The following RARB variants were observed in gnomAD, a reference collection of about 807,000 sequenced individuals.
RARB encodes the protein retinoic acid receptor beta, also known as HBV-activated protein.
RARB carries 17 observed loss-of-function variants against 51.9 expected under a neutral mutation model. That is an observed-to-expected ratio of 0.33 (90% CI 0.22 to 0.49). The LOEUF (loss-of-function observed/expected upper bound fraction) is 0.49. Among genes scored for constraint, RARB ranks in the 20% least tolerant of loss-of-function variants. The probability of loss-of-function intolerance (pLI) is 0.99; values close to 1 mark genes in which losing one functional copy is unlikely to be tolerated. For synonymous variants in RARB, 215 were observed against 195.4 expected, an observed-to-expected ratio of 1.10 and a Z score of -0.84; for missense variants, 369 against 550.8, an observed-to-expected ratio of 0.67 and a Z score of 3.30.
At chr3:24,991,699 A>G (rs531927001) in intron 2 of RARB, among the ~76,000 whole-genome samples, 67 of 152,038 alleles carry the variant, frequency 4.4e-4, no homozygotes, top group African/African-American at 1.6e-3. Flanking sequence ...TTAAAAATGC[A>G]TATAAGTAGC....
intron 2 of RARB, among the ~76,000 whole-genome samples, chr3:25,042,562 T>A (rs777144336): frequency 6.6e-6 from 1 of 152,216 alleles, no homozygotes; most frequent in Non-Finnish European, 1.5e-5. Context: ...AGAGATATGA[T>A]ATTAAATTAA....
At chr3:25,073,841 T>C (rs1383732037) in intron 3 of RARB, among the ~76,000 whole-genome samples, 3 of 152,196 alleles carry the variant, frequency 2.0e-5, no homozygotes, top group Non-Finnish European at 2.9e-5. Flanking sequence ...CTTTTTTTTT[T>C]TTATCAACTA....
chr3:25,002,900 G>A (rs1575113942), intron 2 of RARB, among the ~76,000 whole-genome samples: 1 of 151,984 alleles, frequency 6.6e-6, no homozygotes, highest in Non-Finnish European at 1.5e-5. Context: ...GCTTAGAAAA[G>A]CATCTGGTTC....
chr3:25,563,018 G>C (rs1314875381), intron 3 of RARB, among the ~76,000 whole-genome samples: 3 of 152,178 alleles, frequency 2.0e-5, no homozygotes, highest in African/African-American at 7.2e-5. Flanking sequence ...GCTGAGCTAA[G>C]CTGGAAGATC....
At chr3:24,952,897 G>C (rs1210263002) in intron 2 of RARB, among the ~76,000 whole-genome samples, 1 of 151,622 alleles carries the variant, frequency 6.6e-6, no homozygotes, top group African/African-American at 2.4e-5. Flanking sequence ...TGTTTGTTTT[G>C]TTTTGTTTTT....
At chr3:25,091,836 T>C (rs1699204758) in intron 3 of RARB, among the ~76,000 whole-genome samples, 1 of 152,170 alleles carries the variant, frequency 6.6e-6, no homozygotes, top group African/African-American at 2.4e-5. Context: ...GGTGCTGTGA[T>C]CATATTGGTT....
intron 5 of RARB, among the ~76,000 whole-genome samples, chr3:25,199,956 C>T (rs58509571): frequency 0.34 from 51,385 of 151,804 alleles, 8,874 homozygotes; most frequent in African/African-American, 0.39. Flanking sequence ...TTTGGGTATA[C>T]GCCCAGTAAT....
intron 2 of RARB, among the ~76,000 whole-genome samples, chr3:24,865,583 CCCTCTTCCA>C (rs1702832143): frequency 6.6e-6 from 1 of 152,130 alleles, no homozygotes; most frequent in South Asian, 2.1e-4. Flanking sequence ...TCTCACGTAG[CCCTCTTCCA>C]CCTCTCTGTC....
chr3:25,078,534 A>ATTTTTTTTTTTTTTTTTTT, intron 3 of RARB, among the ~76,000 whole-genome samples: 1 of 141,292 alleles, frequency 7.1e-6, no homozygotes, highest in Non-Finnish European at 1.5e-5. Context: ...CCAACTTTCT[A>ATTTTTTTTTTTTTTTTTTT]TTTTTTTTTT....
intron 5 of RARB, among the ~76,000 whole-genome samples, chr3:25,325,241 G>A (rs951696648): frequency 6.6e-6 from 1 of 152,124 alleles, no homozygotes; most frequent in South Asian, 2.1e-4. Flanking sequence ...GCTGGTGGGA[G>A]TGTCTCTCAG....
At chr3:25,378,121 T>C (rs558918435) in intron 5 of RARB, among the ~76,000 whole-genome samples, 6 of 152,302 alleles carry the variant, frequency 3.9e-5, no homozygotes, top group Admixed American at 1.3e-4. Flanking sequence ...ATCTTAACAA[T>C]GACAATTAAA....
chr3:25,523,283 A>C (rs1559449734), intron 3 of RARB, among the ~76,000 whole-genome samples: 1 of 152,170 alleles, frequency 6.6e-6, no homozygotes, highest in East Asian at 1.9e-4. Context: ...CATTCTTATA[A>C]ATAGAAAGAC....
intron 2 of RARB, among the ~76,000 whole-genome samples, chr3:24,893,014 T>C (rs1703414772): frequency 6.6e-6 from 1 of 152,226 alleles, no homozygotes; most frequent in Non-Finnish European, 1.5e-5. Flanking sequence ...GAATTCTGTG[T>C]GTTTCCTGTA....
intron 5 of RARB, among the ~76,000 whole-genome samples, chr3:25,256,126 T>C (rs1311845210): frequency 1.3e-5 from 2 of 152,166 alleles, no homozygotes; most frequent in Non-Finnish European, 2.9e-5. Flanking sequence ...TATATGCCCA[T>C]TTAAACAAGC....
chr3:25,192,968 T>C (rs1030652774), intron 5 of RARB, among the ~76,000 whole-genome samples: 1 of 152,046 alleles, frequency 6.6e-6, no homozygotes, highest in African/African-American at 2.4e-5. Context: ...GCTTACATTC[T>C]AGAAGGAAGC....
chr3:25,055,720 C>T (rs1698426262), intron 2 of RARB, among the ~76,000 whole-genome samples: 1 of 152,038 alleles, frequency 6.6e-6, no homozygotes, highest in Non-Finnish European at 1.5e-5. Context: ...TAGAGAGTAA[C>T]TTCGGTTTGA....
At chr3:25,593,945 C>G (rs1057028477) in intron 6 of RARB, among the ~76,000 whole-genome samples, 5 of 148,672 alleles carry the variant, frequency 3.4e-5, no homozygotes, top group African/African-American at 1.3e-4. Context: ...CCAATTGCCA[C>G]AGATTTTTTT....
chr3:24,937,598 C>A (rs115223511), intron 2 of RARB, among the ~76,000 whole-genome samples: 6,062 of 152,098 alleles, frequency 0.04, 248 homozygotes, highest in East Asian at 0.17. Flanking sequence ...CAGTAGCGTG[C>A]GATACGGGAA....
intron 2 of RARB, among the ~76,000 whole-genome samples, chr3:24,962,406 ACAAT>A (rs1338122406): frequency 6.6e-6 from 1 of 152,142 alleles, no homozygotes; most frequent in Non-Finnish European, 1.5e-5. Context: ...CTCAGTCCTG[ACAAT>A]CAGATATGTC....
Sources: allele counts gnomAD v4.1 joint callset (sites outside exome capture counted in the v4.1 genomes callset), GRCh38; gene constraint gnomAD v4.1.1; transcripts MANE v1.5; gene names NCBI Gene and HGNC (gene_info 2026-07-23, HGNC 2026-07-21).